The following NSD3 variants were observed in gnomAD, a reference collection of about 807,000 sequenced individuals.
NSD3 encodes nuclear receptor binding SET domain protein 3, also known as histone-lysine N-methyltransferase NSD3.
Under a neutral mutation model 160.8 loss-of-function variants are expected in NSD3, and 24 were observed. The ratio of observed to expected loss-of-function variants is 0.15; its 90% CI spans 0.11 to 0.21. The LOEUF (loss-of-function observed/expected upper bound fraction) is 0.21, where lower values mean the gene tolerates loss of function less well. Ranked by LOEUF, NSD3 falls within the 10% of genes least tolerant of loss-of-function variation. The probability of loss-of-function intolerance (pLI) is 1.00; values close to 1 mark genes in which losing one functional copy is unlikely to be tolerated. For missense variants in NSD3, 1,157 were observed against 1,735.9 expected (o/e 0.67, Z 5.93); for synonymous variants, 520 against 600.0 (o/e 0.87, Z 1.95).
chr8:38,371,605 T>C (rs375075928), intron 1 of NSD3, among the ~76,000 whole-genome samples: 6 of 152,166 alleles, frequency 3.9e-5, no homozygotes, highest in African/African-American at 1.4e-4. Context: ...AACATGCTAT[T>C]GCACTACAGA....
At chr8:38,312,767 A>G (rs1400398992) in intron 12 of NSD3, among the ~76,000 whole-genome samples, 2 of 152,156 alleles carry the variant, frequency 1.3e-5, no homozygotes, top group African/African-American at 4.8e-5. Flanking sequence ...TCAGAAGCCA[A>G]GCAGATACTG....
In NSD3 at chr8:38,321,015, G is replaced by A. The variant is rs1452234031; in HGVS notation, c.1809+57C>T. On this transcript the variant is annotated intron_variant, in intron 8 of 23. Coordinates refer to ENST00000317025, the MANE Select transcript of NSD3 (RefSeq NM_023034.2). This position sits in a 1 kb window ranked among gnomAD's most constrained non-coding sequence, Gnocchi z 4.7. ...TTTCTCTTTCTTTTAAGACAGGAAT[G>A]TAAGCCACAACATTTACAAATACAA... The A allele has an allele frequency of 1.3e-6, 2 of 1,507,146 alleles. No individual in the cohort carries two copies. Among genetic ancestry groups the A allele is most frequent in the South Asian group, 1.1e-5 (1 of 88,176 alleles). The allele number at this position is 1,507,146 out of a possible 1,614,324, so 93.4% of individuals were successfully genotyped here. A position where few individuals can be genotyped will look rare whatever the true frequency, so the allele number is the denominator to read the frequency against.
chr8:38,364,088 C>T (rs1811051075), intron 1 of NSD3, among the ~76,000 whole-genome samples: 1 of 152,054 alleles, frequency 6.6e-6, no homozygotes, highest in East Asian at 1.9e-4. Flanking sequence ...GCCTGGCCAA[C>T]CTGGTGAAAC....
chr8:38,365,118 G>A (rs779593505), intron 1 of NSD3, among the ~76,000 whole-genome samples: 2 of 152,208 alleles, frequency 1.3e-5, no homozygotes, highest in African/African-American at 2.4e-5. Flanking sequence ...TGTATGTCTG[G>A]ACAAAAGTTT....
At chr8:38,378,637 G>C (rs569900329) in intron 1 of NSD3, among the ~76,000 whole-genome samples, 2 of 151,804 alleles carry the variant, frequency 1.3e-5, no homozygotes, top group African/African-American at 4.8e-5. Context: ...GCGAGACTCC[G>C]TCTCAAAACA....
rs747399753 is a variant in NSD3, at chr8:38,289,439, T to C, written c.3185A>G (p.Glu1062Gly). The change falls in exon 18 of 24, where the codon GAG becomes GGG. Residue 1062 changes from glutamate (E) to glycine (G), a missense_variant. This residue lies in a region of NSD3 where 437 missense variants were observed against 576.6 expected (regional missense o/e 0.76). Coordinates refer to ENST00000317025, the MANE Select transcript of NSD3 (RefSeq NM_023034.2). Reference sequence around the variant, plus strand: ...GGGTTTTCTTGAGTTTTTTTCAATCTCTAGGGCTTCTTTACTTTCTCTTTG... The same window carrying C: ...GGGTTTTCTTGAGTTTTTTTCAATCCCTAGGGCTTCTTTACTTTCTCTTTG... ...KAQRESKEAL[E>G]IEKNSRKPPP... 3 of 1,613,924 alleles carry C rather than the reference T, an allele frequency of 1.9e-6. No individual in the cohort carries two copies. The highest frequency in any genetic ancestry group is 2.7e-5 in the African/African-American group (2 of 74,898).
At chr8:38,349,071 C>T (rs1052712265) in intron 1 of NSD3, among the ~76,000 whole-genome samples, 2 of 152,224 alleles carry the variant, frequency 1.3e-5, no homozygotes. Context: ...TATACTTTCA[C>T]ATCTTTCTCT....
At chr8:38,305,969 G>A (rs913429013) in intron 12 of NSD3, among the ~76,000 whole-genome samples, 1 of 152,048 alleles carries the variant, frequency 6.6e-6, no homozygotes, top group African/African-American at 2.4e-5. Context: ...AGAGCTGACT[G>A]AAAGAGAAAA....
intron 1 of NSD3, among the ~76,000 whole-genome samples, chr8:38,366,684 T>C (rs896739415): frequency 2.6e-5 from 4 of 152,150 alleles, no homozygotes; most frequent in African/African-American, 9.7e-5. Flanking sequence ...AGTGCTGGGA[T>C]TACAGGTGTG....
chr8:38,337,199 G>T (rs1319136426), intron 4 of NSD3, 106 bp downstream of exon 4: 7 of 948,878 alleles, frequency 7.4e-6, no homozygotes, highest in Non-Finnish European at 7.0e-6. Flanking sequence ...GCACATTTTT[G>T]TATCAGATTA....
intron 15 of NSD3, among the ~76,000 whole-genome samples, chr8:38,296,296 G>A (rs1809137001): frequency 6.6e-6 from 1 of 152,152 alleles, no homozygotes; most frequent in South Asian, 2.1e-4. Context: ...GAGTAGATTT[G>A]AGAGGTTTTT....
At chr8:38,358,037 T>C (rs879919820) in intron 1 of NSD3, among the ~76,000 whole-genome samples, 33 of 152,050 alleles carry the variant, frequency 2.2e-4, no homozygotes, top group Admixed American at 2.0e-3. Flanking sequence ...AGAGGGAGTG[T>C]TAACCCAACC....
chr8:38,348,490 T>C (rs1402406640), intron 1 of NSD3, among the ~76,000 whole-genome samples: 1 of 152,176 alleles, frequency 6.6e-6, no homozygotes, highest in Non-Finnish European at 1.5e-5. Flanking sequence ...CGAAATAGTT[T>C]TGACATTCCT....
At chr8:38,303,415 C>T (rs1224545318) in intron 14 of NSD3, 5 of 985,226 alleles carry the variant, frequency 5.1e-6, no homozygotes, top group Middle Eastern at 5.2e-4. Context: ...TTAAGAAAGA[C>T]ACAGTACTTC....
intron 14 of NSD3, chr8:38,303,353 C>T (rs1809319030): frequency 2.9e-5 from 29 of 985,418 alleles, no homozygotes; most frequent in Non-Finnish European, 3.4e-5. Context: ...AGACCTACTC[C>T]TCCATGATAC....
intron 6 of NSD3, 69 bp from the exon 7 acceptor site, chr8:38,326,925 T>C (rs1045777100): frequency 1.7e-5 from 27 of 1,548,306 alleles, no homozygotes; most frequent in Non-Finnish European, 2.4e-5. Flanking sequence ...CATGGGCTTA[T>C]AAAGATGGCT....
intron 1 of NSD3, among the ~76,000 whole-genome samples, chr8:38,350,893 G>A (rs1324711014): frequency 6.6e-6 from 1 of 151,956 alleles, no homozygotes; most frequent in Middle Eastern, 3.4e-3. Flanking sequence ...GGTTTGACAC[G>A]TGCACATCAC....
At chr8:38,355,704 C>A (rs904928992) in intron 1 of NSD3, among the ~76,000 whole-genome samples, 1 of 152,016 alleles carries the variant, frequency 6.6e-6, no homozygotes, top group African/African-American at 2.4e-5. Flanking sequence ...AAACCTTTGT[C>A]CTAAATAAAT....
chr8:38,316,120 TTTC>T lies in NSD3; in HGVS notation c.1856-81_1856-79del. The T allele has an allele frequency of 1.9e-6, 3 of 1,562,340 alleles. No homozygotes were observed. The highest frequency in any genetic ancestry group is 2.6e-6 in the Non-Finnish European group (3 of 1,154,708). Reference sequence around the variant, plus strand: ...AATTTTTTTGTGTGTGGGAGAATATTTTCTTTTCTCAAACTCATCTTTAGTGTG... The same window carrying T: ...AATTTTTTTGTGTGTGGGAGAATATTTTTTCTCAAACTCATCTTTAGTGTG... On this transcript the variant is annotated intron_variant, in intron 9 of 23. Transcript: ENST00000317025. This position sits in a 1 kb window ranked among gnomAD's most constrained non-coding sequence, Gnocchi z 4.5.
Sources: allele counts gnomAD v4.1 joint callset (sites outside exome capture counted in the v4.1 genomes callset), GRCh38; gene constraint gnomAD v4.1.1; regional missense constraint gnomAD v4.1.1; non-coding constraint Gnocchi (gnomAD v3.1); transcripts MANE v1.5; gene names NCBI Gene and HGNC (gene_info 2026-07-23, HGNC 2026-07-21).